PALS1: variants seen among roughly 807,000 people sequenced by gnomAD.
The protein encoded by PALS1 is protein associated with LIN7 1, MAGUK p55 family member.
A neutral mutation model predicts 78.9 loss-of-function variants in PALS1; 31 were observed. The ratio of observed to expected loss-of-function variants is 0.39; its 90% CI spans 0.30 to 0.53. The LOEUF is 0.53. PALS1 is among the 20% of genes least tolerant of loss of function. The pLI is 0.67. For missense variants in PALS1, 704 were observed against 826.5 expected, an observed-to-expected ratio of 0.85 and a Z score of 1.82; for synonymous variants, 276 against 270.9, an observed-to-expected ratio of 1.02 and a Z score of -0.18.
intron 1 of PALS1, among the ~76,000 whole-genome samples, chr14:67,261,421 A>T (rs769073837): frequency 2.6e-5 from 4 of 152,164 alleles, no homozygotes; most frequent in African/African-American, 4.8e-5. Flanking sequence ...GGGAGTTGGT[A>T]TAGTTATAAG....
intron 3 of PALS1, among the ~76,000 whole-genome samples, chr14:67,290,181 T>C (rs1290557978): frequency 6.6e-6 from 1 of 152,216 alleles, no homozygotes; most frequent in Non-Finnish European, 1.5e-5. Context: ...AATAGGACTT[T>C]TCTTTTTGGA....
chr14:67,280,609 A>T (rs918628432), intron 3 of PALS1, among the ~76,000 whole-genome samples: 20 of 152,182 alleles, frequency 1.3e-4, no homozygotes, highest in Non-Finnish European at 4.4e-5. Context: ...AATTTGCCAG[A>T]TCAGGTGTTG....
intron 1 of PALS1, among the ~76,000 whole-genome samples, chr14:67,260,080 A>T (rs1342626057): frequency 6.6e-6 from 1 of 152,236 alleles, no homozygotes; most frequent in Non-Finnish European, 1.5e-5. Context: ...TATTAGTTTA[A>T]TAGAAGAATG....
intron 13 of PALS1, among the ~76,000 whole-genome samples, chr14:67,321,867 T>G (rs1363416060): frequency 6.6e-6 from 1 of 152,170 alleles, no homozygotes; most frequent in African/African-American, 2.4e-5. Flanking sequence ...TTGGTAGTAC[T>G]TTAATTTGAG....
rs562567947 is a variant in PALS1 at position 67,276,865 on chromosome 14, A to G, written c.-153-2153A>G. On this transcript the variant is annotated intron_variant, in intron 2 of 14. Coordinates refer to ENST00000261681, the MANE Select transcript of PALS1 (RefSeq NM_022474.4). Reference sequence around the variant, plus strand: ...CTTGCATGACTTCTAATTTTCCCTCATAGTGTAGTGAATATGGACACAGAT... The same window carrying G: ...CTTGCATGACTTCTAATTTTCCCTCGTAGTGTAGTGAATATGGACACAGAT... Among the ~76,000 whole-genome samples, 107 of 152,314 alleles carry G rather than the reference A, an allele frequency of 7.0e-4. 2 individuals carry two copies. The South Asian group carries it at 0.022, about 31-fold the overall frequency.
intron 4 of PALS1, among the ~76,000 whole-genome samples, chr14:67,295,832 C>A (rs73282717): frequency 0.15 from 23,506 of 152,028 alleles, 3,421 homozygotes; most frequent in East Asian, 0.41. Flanking sequence ...TACCTATATA[C>A]TGTGACCCAG....
At chr14:67,272,712 G>T (rs1289982378) in intron 2 of PALS1, among the ~76,000 whole-genome samples, 1 of 152,138 alleles carries the variant, frequency 6.6e-6, no homozygotes, top group Non-Finnish European at 1.5e-5. Context: ...AGGCTGGAGC[G>T]CAGTGGCACG....
intron 1 of PALS1, among the ~76,000 whole-genome samples, chr14:67,251,299 G>A (rs895233457): frequency 2.6e-5 from 4 of 152,170 alleles, no homozygotes; most frequent in African/African-American, 4.8e-5. Flanking sequence ...TTTGGAGGCC[G>A]AGGCAGGAGG....
rs762650046 is a variant in PALS1 at position 67,302,038 on chromosome 14, A to G, written c.721A>G (p.Arg241Gly). ...GCAGCTAGAGCCCATTACAGATGAG[A>G]GAGTTTATGAAAGTATTGGCCAGTA... ...EMQLEPITDE[R>G]VYESIGQYGG... Residue 241 changes from arginine (R) to glycine (G), a missense_variant, in exon 6 of 15, where the codon AGA becomes GGA. Coordinates refer to ENST00000261681, the MANE Select transcript of PALS1 (RefSeq NM_022474.4). 7 of 1,610,924 alleles carry G rather than the reference A, an allele frequency of 4.3e-6. No individual in the cohort carries two copies. In the Admixed American group the frequency reaches 1.0e-4, roughly 23 times the overall value.
chr14:67,321,118 G>A lies in PALS1; in HGVS notation c.1599G>A (p.Arg533=). The A allele has an allele frequency of 1.2e-6, 2 of 1,614,170 alleles. No individual in the cohort carries two copies. Among genetic ancestry groups the A allele is most frequent in the Non-Finnish European group, 8.5e-7 (1 of 1,180,028 alleles). ...VAGRDYHFVS[R]QAFEADIAAG... ...GTAGAGATTACCACTTTGTTTCGCG[G>A]CAAGCATTCGAGGCAGACATAGCAG... is the stretch of plus-strand genomic sequence containing the variant. Residue 533 remains arginine (R), a synonymous_variant, in exon 13 of 15, where the codon CGG becomes CGA. Coordinates refer to ENST00000261681, the MANE Select transcript of PALS1 (RefSeq NM_022474.4).
chr14:67,246,985 A>G (rs1046559193), intron 1 of PALS1, among the ~76,000 whole-genome samples: 1 of 152,166 alleles, frequency 6.6e-6, no homozygotes, highest in African/African-American at 2.4e-5. Flanking sequence ...ACATTAGGTA[A>G]TGTGACTCTT....
Position 67,333,102 on chromosome 14 carries a change from G to A in PALS1, c.*146G>A, listed in dbSNP as rs889476474. 7 of 655,900 alleles carry A rather than the reference G, an allele frequency of 1.1e-5. No individual in the cohort carries two copies. The Admixed American group carries it at 1.9e-4, about 18-fold the overall frequency. 40.6% of individuals were successfully genotyped at this position (655,900 alleles called of 1,614,324 possible). A position where few individuals can be genotyped will look rare whatever the true frequency, so the allele number is the denominator to read the frequency against. ...CTGTTCTTAGATCTCTTGAATTAGT[G>A]AGACGACAGTTCCCTTAGGCAGTTT... On this transcript the variant is annotated 3_prime_UTR_variant, in exon 15 of 15. Coordinates refer to ENST00000261681, the MANE Select transcript of PALS1 (RefSeq NM_022474.4).
At position 67,318,299 on chromosome 14, in the gene PALS1, T is replaced by A. The variant is rs112457716; in HGVS notation, c.1369+820T>A. 1.5e-3 allele frequency among the ~76,000 whole-genome samples: 230 copies of A among 152,026 alleles called. 1 individual carries two copies. Among genetic ancestry groups the A allele is most frequent in the African/African-American group, 5.5e-3 (227 of 41,398 alleles). On this transcript the variant is annotated intron_variant, in intron 11 of 14. Coordinates refer to ENST00000261681, the MANE Select transcript of PALS1 (RefSeq NM_022474.4). ...ATTATAATATTCCATAAAAGCTAAA[T>A]GAGGTTTGATCAACTTTAATAAATT...
In PALS1 at chr14:67,312,665, AG is replaced by A. The variant is rs1342968778; in HGVS notation, c.1183del (p.Glu395LysfsTer9). The A allele has an allele frequency of 6.2e-7, 1 of 1,612,832 alleles. No individual in the cohort carries two copies. Among genetic ancestry groups the A allele is most frequent in the Non-Finnish European group, 8.5e-7 (1 of 1,179,362 alleles). ...QEDPNWWQAY[R>X]EGDEDNQPLA... ...AGATCCAAACTGGTGGCAGGCCTAC[AG>A]GGAAGGGGACGAAGATAATCAACCT... On this transcript the variant is annotated frameshift_variant, in exon 9 of 15. Transcript: ENST00000261681. LOFTEE classifies it high-confidence loss of function.
intron 14 of PALS1, among the ~76,000 whole-genome samples, chr14:67,330,523 A>C (rs992837211): frequency 1.5e-5 from 2 of 136,374 alleles, no homozygotes; most frequent in African/African-American, 5.6e-5. Flanking sequence ...CAGTGGCACT[A>C]TCTCTGCTCA....
Position 67,312,689 on chromosome 14 carries a change from C to A in PALS1, c.1204C>A (p.Pro402Thr). 1 of 1,609,210 alleles carries A rather than the reference C, an allele frequency of 6.2e-7. No individual in the cohort carries two copies. Among genetic ancestry groups the A allele is most frequent in the Non-Finnish European group, 8.5e-7 (1 of 1,177,438 alleles). Residue 402 changes from proline to threonine, a missense_variant, in exon 9 of 15, where the codon CCT becomes ACT. By Grantham distance (38) the Pro-to-Thr change is conservative. Coordinates refer to ENST00000261681, the MANE Select transcript of PALS1 (RefSeq NM_022474.4). ...CAGGGAAGGGGACGAAGATAATCAA[C>A]CTCTAGCCGGGCTTGTTCCAGGTAA... The part of the protein sequence containing the change: ...AYREGDEDNQ[P>T]LAGLVPGKSF...
chr14:67,303,527 T>C lies in PALS1; in HGVS notation c.969T>C (p.Asp323=). 1 of 1,612,110 alleles carries C rather than the reference T, an allele frequency of 6.2e-7. No homozygotes were observed. The highest frequency in any genetic ancestry group is 1.1e-5 in the South Asian group (1 of 91,058). ...DVNEVFDLLS[D]MHGTLTFVLI... Reference sequence around the variant, plus strand: ...ACCTGATCTTTCTATTACAGTCTGATATGCATGGTACTTTGACTTTTGTCC... The same window carrying C: ...ACCTGATCTTTCTATTACAGTCTGACATGCATGGTACTTTGACTTTTGTCC... Residue 323 remains aspartate, a synonymous_variant, in exon 8 of 15, where the codon GAT becomes GAC. Coordinates refer to ENST00000261681, the MANE Select transcript of PALS1 (RefSeq NM_022474.4).
intron 3 of PALS1, among the ~76,000 whole-genome samples, chr14:67,287,900 A>C (rs2084715146): frequency 6.6e-6 from 1 of 152,206 alleles, no homozygotes; most frequent in Non-Finnish European, 1.5e-5. Flanking sequence ...GCTTTGGTAC[A>C]TAGGAGAGAT....
intron 4 of PALS1, among the ~76,000 whole-genome samples, chr14:67,295,390 T>G (rs936016837): frequency 6.6e-6 from 1 of 151,462 alleles, no homozygotes; most frequent in Non-Finnish European, 1.5e-5. Context: ...CTTGGGAGGC[T>G]GAGGCAGGAG....
Sources: gnomAD v4.1 joint callset for allele counts (sites outside exome capture counted in the v4.1 genomes callset) on GRCh38, gnomAD v4.1.1 for gene constraint, MANE v1.5 for transcripts, NCBI Gene and HGNC (gene_info 2026-07-23, HGNC 2026-07-21) for gene names.